Variants in FAM200A observed in about 807,000 individuals in gnomAD.
FAM200A encodes protein FAM200A.
FAM200A carries 26 observed loss-of-function variants against 44.2 expected under a neutral mutation model. The observed-to-expected ratio is 0.59, with a 90% CI of 0.43 to 0.82. FAM200A has a LOEUF of 0.82. Among genes scored for constraint, FAM200A ranks in the 40% least tolerant of loss-of-function variants. The pLI is 0.00. For synonymous variants in FAM200A, 206 were observed against 244.4 expected, an observed-to-expected ratio of 0.84 and a Z score of 1.47; for missense variants, 606 against 669.5, an observed-to-expected ratio of 0.91 and a Z score of 1.05.
chr7:99,549,328 T>C (rs905117332), intron 1 of FAM200A, among the ~76,000 whole-genome samples: 3 of 152,044 alleles, frequency 2.0e-5, no homozygotes, highest in Middle Eastern at 3.2e-3. Flanking sequence ...TGTTTGCTTT[T>C]AGTACACTGC....
At chr7:99,554,323 A>G (rs981700868), upstream of FAM200A, among the ~76,000 whole-genome samples, 1 of 151,994 alleles carries the variant, frequency 6.6e-6, no homozygotes, top group Non-Finnish European at 1.5e-5. Context: ...AACTAAAAAT[A>G]CAGAAATTAC....
rs1562924696 is a variant in FAM200A at position 99,547,174 on chromosome 7, T to A, written c.1234A>T (p.Asn412Tyr). 2.6e-6 allele frequency: 4 copies of A among 1,547,542 alleles called. No individual in the cohort carries two copies. Among genetic ancestry groups the A allele is most frequent in the African/African-American group, 1.4e-5 (1 of 72,824 alleles). The change falls in exon 2 of 2, where the codon AAT (asparagine) becomes TAT (tyrosine). Residue 412 changes from asparagine (N) to tyrosine (Y), a missense_variant. Physicochemically the swap from Asn to Tyr is moderately radical, Grantham distance 143. Transcript: ENST00000449309. ...TTTATTTCTTTTAAGCAGTCTTCAT[T>A]AATAATGTTCTCTTCGATGTGTTGC... Reference protein sequence around the residue: ...LLQHIEENIINEDCLKEIKLE... With the variant: ...LLQHIEENIIYEDCLKEIKLE...
upstream of FAM200A, among the ~76,000 whole-genome samples, chr7:99,553,099 A>ATATATTTT (rs1254408398): frequency 4.9e-5 from 3 of 61,396 alleles, no homozygotes; most frequent in Non-Finnish European, 7.8e-5. Flanking sequence ...ATATATATAT[A>ATATATTTT]TTTTTTTTTT....
chr7:99,551,492 C>T (rs1182873555), intron 1 of FAM200A, among the ~76,000 whole-genome samples: 2 of 152,178 alleles, frequency 1.3e-5, no homozygotes, highest in Admixed American at 6.5e-5. Context: ...GCCACTGCGC[C>T]CGGCCTTCAC....
Position 99,547,958 on chromosome 7 carries a change from A to G in FAM200A, c.450T>C (p.Ile150=). ...AAACCAAGAGTGTGGGACAACTTGCAATATCAGTGCTCTCATCGAGTTGGA... is the reference window on the plus strand; with the variant it reads ...AAACCAAGAGTGTGGGACAACTTGCGATATCAGTGCTCTCATCGAGTTGGA... The part of the protein sequence containing the change: ...FAIQLDESTD[I]ASCPTLLVYV... The change falls in exon 2 of 2, where the codon ATT becomes ATC. Residue 150 remains isoleucine, a synonymous_variant. Coordinates refer to ENST00000449309, the MANE Select transcript of FAM200A (RefSeq NM_145111.4). The G allele has an allele frequency of 6.4e-7, 1 of 1,551,394 alleles. No homozygotes were observed. Among genetic ancestry groups the G allele is most frequent in the Non-Finnish European group, 8.7e-7 (1 of 1,146,994 alleles).
chr7:99,555,438 A>T (rs1677386634), upstream of FAM200A, among the ~76,000 whole-genome samples: 1 of 152,124 alleles, frequency 6.6e-6, no homozygotes, highest in South Asian at 2.1e-4. Flanking sequence ...TAAGCCACCC[A>T]GTTTGTGGTA....
chr7:99,547,438 G>C lies in FAM200A; in HGVS notation c.970C>G (p.Leu324Val). ...YELRNEIYIF[L>V]VEKQSHLANI... ...GCCAAATGAGATTGCTTTTCAACGA[G>C]AAAAATGTAAATCTCGTTCCTGAGT... Residue 324 changes from leucine (L) to valine (V), a missense_variant, in exon 2 of 2, where the codon CTC (leucine) becomes GTC (valine). Transcript: ENST00000449309. The C allele has an allele frequency of 6.4e-7, 1 of 1,551,294 alleles. No homozygotes were observed. The highest frequency in any genetic ancestry group is 1.2e-5 in the South Asian group (1 of 83,954).
chr7:99,555,288 G>A (rs1275603004), upstream of FAM200A, among the ~76,000 whole-genome samples: 23 of 152,148 alleles, frequency 1.5e-4, no homozygotes, highest in Non-Finnish European at 7.3e-5. Context: ...ACGATGCCAA[G>A]GAATGCAAAA....
upstream of FAM200A, among the ~76,000 whole-genome samples, chr7:99,556,063 G>A (rs1008473029): frequency 6.6e-6 from 1 of 152,160 alleles, no homozygotes; most frequent in Non-Finnish European, 1.5e-5. Flanking sequence ...AGGGTGCAAG[G>A]TGGAACAACT....
chr7:99,548,876 CT>C (rs769162310), intron 1 of FAM200A, among the ~76,000 whole-genome samples: 51 of 91,378 alleles, frequency 5.6e-4, no homozygotes, highest in African/African-American at 1.9e-3. Flanking sequence ...TCTGGTCATT[CT>C]TTTTTTTTTT....
intron 1 of FAM200A, 115 bp downstream of exon 1, chr7:99,551,739 C>G: frequency 1.2e-6 from 1 of 845,180 alleles, no homozygotes; most frequent in African/African-American, 1.8e-5. Context: ...ATTTTGTCCG[C>G]GCGTCTTTGG....
chr7:99,557,269 C>T (rs1413926673), intron 1 of FAM200A, among the ~76,000 whole-genome samples: 1 of 152,106 alleles, frequency 6.6e-6, no homozygotes, highest in South Asian at 2.1e-4. Context: ...AAAACTTGGA[C>T]GCGATGTGCC....
At chr7:99,550,179 C>T (rs1244161800) in intron 1 of FAM200A, among the ~76,000 whole-genome samples, 2 of 151,736 alleles carry the variant, frequency 1.3e-5, no homozygotes, top group African/African-American at 4.8e-5. Context: ...GGCACGATCT[C>T]AGCTCACTGC....
At chr7:99,549,293 G>C (rs1470593832) in intron 1 of FAM200A, among the ~76,000 whole-genome samples, 2 of 151,722 alleles carry the variant, frequency 1.3e-5, no homozygotes, top group African/African-American at 4.8e-5. Flanking sequence ...CAACACATGC[G>C]ATTGACAAAA....
chr7:99,557,209 G>A (rs1262916817), intron 1 of FAM200A, among the ~76,000 whole-genome samples: 1 of 152,164 alleles, frequency 6.6e-6, no homozygotes, highest in Non-Finnish European at 1.5e-5. Flanking sequence ...GCCTCTTTAA[G>A]TGGGTACCTT....
Position 99,548,453 on chromosome 7 carries a change from T to C in FAM200A, c.-46A>G. On this transcript the variant is annotated 5_prime_UTR_variant, in exon 2 of 2. Coordinates refer to ENST00000449309, the MANE Select transcript of FAM200A (RefSeq NM_145111.4). The stretch of plus-strand genomic sequence containing the variant: ...GCTCACTTGATCCAAATAGGGTCTG[T>C]TTTGCAGGGCTGTCCTTTGTGACCT... 1 of 1,583,200 alleles carries C rather than the reference T, an allele frequency of 6.3e-7. No homozygotes were observed. The highest frequency in any genetic ancestry group is 8.6e-7 in the Non-Finnish European group (1 of 1,165,344).
chr7:99,554,117 A>G (rs529402276), upstream of FAM200A, among the ~76,000 whole-genome samples: 1 of 152,244 alleles, frequency 6.6e-6, no homozygotes, highest in East Asian at 1.9e-4. Flanking sequence ...TCTAAGACTC[A>G]GTGTTGGTCT....
In FAM200A at chr7:99,546,534, A is replaced by C. The variant is rs1802388407; in HGVS notation, c.*152T>G. On this transcript the variant is annotated 3_prime_UTR_variant, in exon 2 of 2. Transcript: ENST00000449309. ...CAGGCATGTGCCACCACGCCTGGCT[A>C]AGGTTTCTATTTTTAGTAGAGATGG... 1 of 761,906 alleles carries C rather than the reference A, an allele frequency of 1.3e-6. No homozygotes were observed. Among genetic ancestry groups the C allele is most frequent in the Non-Finnish European group, 1.9e-6 (1 of 533,658 alleles). The allele number at this position is 761,906 out of a possible 1,614,324, so 47.2% of individuals were successfully genotyped here.
rs961192126 is a variant in FAM200A at position 99,546,401 on chromosome 7, C to G, written c.*285G>C. 2 of 292,374 alleles carry G rather than the reference C, an allele frequency of 6.8e-6. No individual in the cohort carries two copies. The highest frequency in any genetic ancestry group is 9.4e-4 in the Middle Eastern group (1 of 1,062). The allele number at this position is 292,374 out of a possible 1,614,324, so 18.1% of individuals were successfully genotyped here. A position where few individuals can be genotyped will look rare whatever the true frequency, so the allele number is the denominator to read the frequency against. ...TTTTTTTTTTTGAGATGAAGTCTCA[C>G]GCTGTTGCCCAGGCTGGAATGCAGT... is the stretch of plus-strand genomic sequence containing the variant. On this transcript the variant is annotated 3_prime_UTR_variant, in exon 2 of 2. Coordinates refer to ENST00000449309, the MANE Select transcript of FAM200A (RefSeq NM_145111.4).
Sources: allele counts gnomAD v4.1 joint callset (sites outside exome capture counted in the v4.1 genomes callset), GRCh38; gene constraint gnomAD v4.1.1; transcripts MANE v1.5; gene names NCBI Gene and HGNC (gene_info 2026-07-23, HGNC 2026-07-21).